Variants in TUSC3 observed in about 807,000 individuals in gnomAD.
TUSC3 encodes the protein dolichyl-diphosphooligosaccharide--protein glycosyltransferase subunit TUSC3.
TUSC3 carries 45 observed loss-of-function variants against 44.8 expected under a neutral mutation model. That is an observed-to-expected ratio of 1.00 (90% CI 0.79 to 1.29). The LOEUF (loss-of-function observed/expected upper bound fraction) is 1.29. Among genes scored for constraint, TUSC3 ranks in the 50% most tolerant of loss-of-function variants. TUSC3 has a pLI of 0.00. For missense variants in TUSC3, 519 were observed against 437.9 expected (o/e 1.19, Z -1.65); for synonymous variants, 212 against 152.9 (o/e 1.39, Z -2.85).
chr8:15,519,956 T>C (rs183359335), intron 2 of TUSC3, among the ~76,000 whole-genome samples: 2 of 152,206 alleles, frequency 1.3e-5, no homozygotes, highest in African/African-American at 4.8e-5. Flanking sequence ...GAGGGACCTA[T>C]GGATAAAAGA....
At chr8:15,454,892 G>A (rs978949074) in intron 1 of TUSC3, among the ~76,000 whole-genome samples, 6 of 152,012 alleles carry the variant, frequency 3.9e-5, no homozygotes, top group Admixed American at 2.0e-4. Context: ...CCAAGTTCAC[G>A]TAAAGTATAT....
the TUSC3 span, among the ~76,000 whole-genome samples, chr8:15,781,606 A>C: frequency 2.0e-5 from 3 of 152,120 alleles, no homozygotes; most frequent in Non-Finnish European, 2.9e-5. Context: ...AAAAAAGAAA[A>C]TGGAATCAGA....
the TUSC3 span, among the ~76,000 whole-genome samples, chr8:15,785,869 A>G: frequency 6.6e-6 from 1 of 152,138 alleles, no homozygotes; most frequent in African/African-American, 2.4e-5. Flanking sequence ...CTGGATAGAG[A>G]CATTTCAGAA....
chr8:15,743,057 T>G (rs1199428634), intron 7 of TUSC3, among the ~76,000 whole-genome samples: 1 of 152,206 alleles, frequency 6.6e-6, no homozygotes, highest in Non-Finnish European at 1.5e-5. Context: ...GTTAATTGTA[T>G]AACCCCAGAT....
At chr8:15,739,636 T>G (rs911548358) in intron 7 of TUSC3, among the ~76,000 whole-genome samples, 2 of 152,234 alleles carry the variant, frequency 1.3e-5, no homozygotes, top group Admixed American at 1.3e-4. Context: ...TTTTGTGAGT[T>G]ATTGCAAACT....
intron 1 of TUSC3, among the ~76,000 whole-genome samples, chr8:15,450,938 C>G (rs1402304361): frequency 3.9e-5 from 6 of 152,250 alleles, no homozygotes; most frequent in African/African-American, 1.4e-4. Context: ...AGCAGCTTGC[C>G]TAGCTGACCC....
At chr8:15,533,641 A>G (rs1192863645) in intron 2 of TUSC3, among the ~76,000 whole-genome samples, 1 of 152,210 alleles carries the variant, frequency 6.6e-6, no homozygotes, top group Non-Finnish European at 1.5e-5. Flanking sequence ...AAAGCAGTTC[A>G]ACAGTAAAAG....
rs184092178 is a variant in TUSC3 at position 15,673,516 on chromosome 8, C to G, written c.709-231C>G. Among the ~76,000 whole-genome samples the G allele has an allele frequency of 2.1e-3, 314 of 152,136 alleles. 8 individuals carry two copies. Among genetic ancestry groups the G allele is most frequent in the Non-Finnish European group, 5.0e-4 (34 of 67,980 alleles). The stretch of plus-strand genomic sequence containing the variant: ...ATATGTTATCCGATGTAATTATTAA[C>G]ATATTTCTTTAACAGAGCTGGCATA... On this transcript the variant is annotated intron_variant, in intron 5 of 10. Coordinates refer to ENST00000503731, the MANE Select transcript of TUSC3 (RefSeq NM_006765.4).
chr8:15,651,887 A>T (rs1311263790), intron 3 of TUSC3, among the ~76,000 whole-genome samples: 1 of 152,200 alleles, frequency 6.6e-6, no homozygotes, highest in African/African-American at 2.4e-5. Context: ...TCGAGAGCTT[A>T]TGTCCAGGCA....
chr8:15,504,950 C>T (rs1403321285), intron 2 of TUSC3, among the ~76,000 whole-genome samples: 2 of 151,956 alleles, frequency 1.3e-5, no homozygotes, highest in South Asian at 2.1e-4. Flanking sequence ...GTCTTTCTTT[C>T]CGTAATTCAT....
At chr8:15,710,976 T>G (rs1342394603) in intron 6 of TUSC3, among the ~76,000 whole-genome samples, 1 of 151,334 alleles carries the variant, frequency 6.6e-6, no homozygotes, top group Non-Finnish European at 1.5e-5. Flanking sequence ...AGTTAACTAA[T>G]CTGCCACCCA....
chr8:15,586,170 G>C (rs1016788466), intron 1 of TUSC3, among the ~76,000 whole-genome samples: 8 of 152,168 alleles, frequency 5.3e-5, no homozygotes, highest in African/African-American at 1.9e-4. Context: ...CTGTTAAAAG[G>C]TCATTTTTAG....
intron 2 of TUSC3, among the ~76,000 whole-genome samples, chr8:15,533,471 A>T (rs370709119): frequency 6.6e-6 from 1 of 152,204 alleles, no homozygotes; most frequent in South Asian, 2.1e-4. Flanking sequence ...CTATCAATTT[A>T]TATTGCTAGG....
intron 2 of TUSC3, among the ~76,000 whole-genome samples, chr8:15,516,477 G>A (rs1801217331): frequency 6.6e-6 from 1 of 152,146 alleles, no homozygotes; most frequent in Non-Finnish European, 1.5e-5. Flanking sequence ...GGTTCTTGAT[G>A]CTATGGCAGG....
chr8:15,535,822 C>G (rs918579008), upstream of TUSC3, among the ~76,000 whole-genome samples: 1 of 152,078 alleles, frequency 6.6e-6, no homozygotes, highest in African/African-American at 2.4e-5. Context: ...TAGGAGATGA[C>G]GTGTTGGGAG....
chr8:15,734,115 A>G (rs1810834809), intron 7 of TUSC3, among the ~76,000 whole-genome samples: 1 of 152,210 alleles, frequency 6.6e-6, no homozygotes, highest in South Asian at 2.1e-4. Flanking sequence ...TTTTTGAACA[A>G]TCCATATTTT....
the TUSC3 span, among the ~76,000 whole-genome samples, chr8:15,823,962 T>C: frequency 2.6e-5 from 4 of 152,212 alleles, no homozygotes; most frequent in Non-Finnish European, 4.4e-5. Flanking sequence ...GAATAAAGCA[T>C]TGAGAAAACA....
chr8:15,569,791 C>T (rs1585111213), intron 1 of TUSC3, among the ~76,000 whole-genome samples: 1 of 151,992 alleles, frequency 6.6e-6, no homozygotes, highest in African/African-American at 2.4e-5. Context: ...TCTTCCTTGT[C>T]TGTTTGTATT....
intron 5 of TUSC3, among the ~76,000 whole-genome samples, chr8:15,669,638 C>T (rs955542555): frequency 6.6e-6 from 1 of 151,718 alleles, no homozygotes; most frequent in African/African-American, 2.4e-5. Context: ...TTGATACATG[C>T]ATATCAGCAC....
Sources: allele counts gnomAD v4.1 joint callset (sites outside exome capture counted in the v4.1 genomes callset), GRCh38; gene constraint gnomAD v4.1.1; transcripts MANE v1.5; gene names NCBI Gene and HGNC (gene_info 2026-07-23, HGNC 2026-07-21).